The following SLC5A4 variants were observed in gnomAD, a reference collection of about 807,000 sequenced individuals.
SLC5A4 encodes the protein probable glucose sensor protein SLC5A4.
A neutral mutation model predicts 70.3 loss-of-function variants in SLC5A4; 55 were observed. The observed-to-expected ratio is 0.78, with a 90% CI of 0.63 to 0.98. The LOEUF (loss-of-function observed/expected upper bound fraction) is 0.98, where lower values mean the gene tolerates loss of function less well. Among genes scored for constraint, SLC5A4 ranks in the 50% least tolerant of loss-of-function variants. SLC5A4 has a pLI of 0.00. For synonymous variants in SLC5A4, 268 were observed against 305.7 expected, an observed-to-expected ratio of 0.88 and a Z score of 1.29; for missense variants, 735 against 839.2, an observed-to-expected ratio of 0.88 and a Z score of 1.53.
chr22:32,304,264 C>T, the SLC5A4 span, among the ~76,000 whole-genome samples: 95,881 of 151,724 alleles, frequency 0.63, 30,364 homozygotes, highest in East Asian at 0.7. Context: ...ATAGCTGGGA[C>T]TGCAGGCATG....
intron 12 of SLC5A4, 137 bp from the exon 13 acceptor site, chr22:32,224,619 C>T: frequency 1.5e-6 from 1 of 678,266 alleles, no homozygotes; most frequent in South Asian, 1.9e-5. Flanking sequence ...AGGTTACCGA[C>T]ATAGAGAAAA....
chr22:32,331,005 T>TG, the SLC5A4 span, among the ~76,000 whole-genome samples: 2 of 135,890 alleles, frequency 1.5e-5, no homozygotes, highest in Admixed American at 7.6e-5. Context: ...GGTGTGTGTG[T>TG]TGGGGGCTCT....
At chr22:32,232,039 C>G (rs989579604) in intron 9 of SLC5A4, among the ~76,000 whole-genome samples, 1 of 152,090 alleles carries the variant, frequency 6.6e-6, no homozygotes, top group Non-Finnish European at 1.5e-5. Context: ...ATCACCATGC[C>G]TAGCTACTTT....
chr22:32,347,386 C>T, the SLC5A4 span, among the ~76,000 whole-genome samples: 2 of 152,090 alleles, frequency 1.3e-5, no homozygotes, highest in Non-Finnish European at 1.5e-5. Flanking sequence ...AATCATGCTG[C>T]TATAAAGACA....
At position 32,229,243 on chromosome 22, in the gene SLC5A4, T is replaced by G. The variant is rs780502091; in HGVS notation, c.1231A>C (p.Thr411Pro). The G allele has an allele frequency of 1.4e-5, 22 of 1,614,108 alleles. No homozygotes were observed. Among genetic ancestry groups the G allele is most frequent in the Non-Finnish European group, 1.8e-5 (21 of 1,180,010 alleles). Residue 411 changes from threonine to proline, a missense_variant, in exon 11 of 15, where the codon ACC becomes CCC. Thr to Pro is a conservative substitution (Grantham distance 38, BLOSUM62 -1). Transcript: ENST00000266086. ...TCCGACGCTTGCTTCCGCATCTTGG[T>G]GTAGAGGTCAATGGTGAAGAGGGTG... ...ASTLFTIDLY[T>P]KMRKQASEKE...
the SLC5A4 span, among the ~76,000 whole-genome samples, chr22:32,333,975 C>T: frequency 6.8e-6 from 1 of 147,878 alleles, no homozygotes; most frequent in Non-Finnish European, 1.5e-5. Flanking sequence ...AATATACACA[C>T]ACACCATGCA....
chr22:32,329,611 T>TGGG, the SLC5A4 span, among the ~76,000 whole-genome samples: 818 of 50,606 alleles, frequency 0.016, 79 homozygotes, highest in East Asian at 0.039. Context: ...GTGTGTGTGT[T>TGGG]GGCTCTGGTG....
At chr22:32,258,758 G>A (rs5998347), upstream of SLC5A4, among the ~76,000 whole-genome samples, 4,163 of 152,100 alleles carry the variant, frequency 0.027, 177 homozygotes, top group African/African-American at 0.094. Flanking sequence ...AATTGGCATC[G>A]CAAAAAGATA....
the SLC5A4 span, among the ~76,000 whole-genome samples, chr22:32,275,848 T>C: frequency 2.0e-5 from 3 of 152,216 alleles, no homozygotes; most frequent in African/African-American, 7.2e-5. Flanking sequence ...GTAAAAGTGT[T>C]CCTATTTCTC....
chr22:32,342,139 A>AAAATGGCTAATGCTACAC, the SLC5A4 span, among the ~76,000 whole-genome samples: 1 of 152,240 alleles, frequency 6.6e-6, no homozygotes. Context: ...AATAAAACTG[A>AAAATGGCTAATGCTACAC]AAATGGCTAA....
chr22:32,290,397 T>A, the SLC5A4 span, among the ~76,000 whole-genome samples: 1 of 152,324 alleles, frequency 6.6e-6, no homozygotes, highest in East Asian at 1.9e-4. Flanking sequence ...TCCAGCTTCA[T>A]CCTTGTCCCT....
the SLC5A4 span, among the ~76,000 whole-genome samples, chr22:32,352,405 A>AT: frequency 6.8e-6 from 1 of 146,604 alleles, no homozygotes; most frequent in Admixed American, 6.7e-5. Context: ...TACCCCAGAA[A>AT]TTAAAAAAAA....
the SLC5A4 span, among the ~76,000 whole-genome samples, chr22:32,310,170 G>A: frequency 6.6e-6 from 1 of 152,136 alleles, no homozygotes; most frequent in African/African-American, 2.4e-5. Context: ...GTTTGGCAGT[G>A]ACCTGTGACC....
the SLC5A4 span, among the ~76,000 whole-genome samples, chr22:32,333,374 C>T: frequency 2.6e-5 from 4 of 152,230 alleles, no homozygotes; most frequent in South Asian, 8.3e-4. Flanking sequence ...AGTAGGAGCT[C>T]GCCAAGGGGC....
rs751394836 is a variant in SLC5A4, at chr22:32,233,022, G to A, written c.898C>T (p.Arg300Cys). 8.1e-6 allele frequency: 13 copies of A among 1,613,392 alleles called. No homozygotes were observed. Among genetic ancestry groups the A allele is most frequent in the South Asian group, 5.5e-5 (5 of 90,998 alleles). The change falls in exon 9 of 15, where the codon CGC becomes TGC. Residue 300 changes from arginine (R) to cysteine (C), a missense_variant. Transcript: ENST00000266086. ...GACATGTCCTTGCCACACAGGCAGCGCTGCACAATGACCTGCCGGGAGAAC... is the reference window on the plus strand; with the variant it reads ...GACATGTCCTTGCCACACAGGCAGCACTGCACAATGACCTGCCGGGAGAAC... ...YWCTNQVIVQ[R>C]CLCGKDMSHV...
chr22:32,243,497 A>G (rs1378844769), intron 5 of SLC5A4, among the ~76,000 whole-genome samples: 1 of 152,188 alleles, frequency 6.6e-6, no homozygotes, highest in Non-Finnish European at 1.5e-5. Context: ...TGAGTTGATA[A>G]TTCCAATTGG....
At chr22:32,295,782 G>T in the SLC5A4 span, among the ~76,000 whole-genome samples, 1 of 80,568 alleles carries the variant, frequency 1.2e-5, no homozygotes, top group Middle Eastern at 4.7e-3. Context: ...GGGTTTTTAT[G>T]GTTTTAGGTC....
At chr22:32,341,036 GGAAA>G in the SLC5A4 span, among the ~76,000 whole-genome samples, 3 of 152,142 alleles carry the variant, frequency 2.0e-5, no homozygotes, top group African/African-American at 7.2e-5. Flanking sequence ...ACGTGAAACA[GGAAA>G]GAAAGAGAGG....
At chr22:32,269,624 CA>C in the SLC5A4 span, 1 of 608,738 alleles carries the variant, frequency 1.6e-6, no homozygotes, top group Non-Finnish European at 3.2e-6. This position sits in a 1 kb window ranked among gnomAD's most constrained non-coding sequence, Gnocchi z 4.1. Context: ...TGGCCGTACC[CA>C]AGCCCATAGG....
Sources: allele counts gnomAD v4.1 joint callset (sites outside exome capture counted in the v4.1 genomes callset), GRCh38; gene constraint gnomAD v4.1.1; non-coding constraint Gnocchi (gnomAD v3.1); transcripts MANE v1.5; gene names NCBI Gene and HGNC (gene_info 2026-07-23, HGNC 2026-07-21).